Variants in DACH2 observed in about 807,000 individuals in gnomAD.
DACH2 encodes dachshund homolog 2.
In DACH2, 17 loss-of-function variants were observed where a neutral mutation model predicts 35.8. The observed-to-expected ratio is 0.48, with a 90% CI of 0.33 to 0.71. The LOEUF (loss-of-function observed/expected upper bound fraction) is 0.71. Among genes scored for constraint, DACH2 ranks in the 30% least tolerant of loss-of-function variants. The pLI is 0.02. For missense variants in DACH2, 469 were observed against 472.7 expected (o/e 0.99, Z 0.07); for synonymous variants, 195 against 177.3 (o/e 1.10, Z -0.79).
At chrX:86,205,873 G>A (rs2032298111) in intron 1 of DACH2, among the ~76,000 whole-genome samples, 2 of 110,525 alleles carry the variant, frequency 1.8e-5, no homozygotes, top group Non-Finnish European at 3.8e-5. Flanking sequence ...AGCCTAAGAT[G>A]TGGTTTTCTA....
At chrX:86,413,543 C>A (rs919178708) in intron 2 of DACH2, among the ~76,000 whole-genome samples, 1 of 111,996 alleles carries the variant, frequency 8.9e-6, no homozygotes, top group Non-Finnish European at 1.9e-5. Context: ...CTGCACAGGC[C>A]AAATGGGAAA....
At chrX:86,632,059 A>T (rs148681676) in intron 3 of DACH2, among the ~76,000 whole-genome samples, 1 of 112,118 alleles carries the variant, frequency 8.9e-6, no homozygotes, top group African/African-American at 3.2e-5. Flanking sequence ...CATTTTGCAC[A>T]TGAATAAACT....
chrX:86,245,457 A>C (rs1297160678), intron 1 of DACH2, among the ~76,000 whole-genome samples: 1 of 111,777 alleles, frequency 8.9e-6, no homozygotes, highest in Non-Finnish European at 1.9e-5. Context: ...TACCAGGAAC[A>C]CCTTGCCCCT....
At chrX:86,223,610 A>C (rs958132719) in intron 1 of DACH2, among the ~76,000 whole-genome samples, 1 of 111,858 alleles carries the variant, frequency 8.9e-6, no homozygotes, top group Admixed American at 9.5e-5. Flanking sequence ...TTGGTGCTAG[A>C]TTAAACAAAA....
chrX:86,482,328 A>T (rs1014538179), intron 2 of DACH2, among the ~76,000 whole-genome samples: 3 of 112,307 alleles, frequency 2.7e-5, no homozygotes, highest in Non-Finnish European at 5.6e-5. Context: ...AAAAATACAA[A>T]TACATAAAAA....
chrX:86,698,521 G>GTTTTGTTTTTTTT (rs2041096771), intron 5 of DACH2, among the ~76,000 whole-genome samples: 1 of 32,957 alleles, frequency 3.0e-5, no homozygotes, highest in African/African-American at 1.5e-4. Flanking sequence ...TTAGTTTTGT[G>GTTTTGTTTTTTTT]TTTTTTTTTT....
intron 7 of DACH2, among the ~76,000 whole-genome samples, chrX:86,778,978 A>G (rs930120439): frequency 8.9e-6 from 1 of 111,788 alleles, no homozygotes; most frequent in Non-Finnish European, 1.9e-5. Flanking sequence ...GGGGTATTCT[A>G]GATGCTAAAT....
chrX:86,538,333 A>G (rs1048891053), intron 3 of DACH2, among the ~76,000 whole-genome samples: 23 of 111,286 alleles, frequency 2.1e-4, no homozygotes, highest in African/African-American at 7.2e-4. Flanking sequence ...TTAGCACTCT[A>G]TTTATGGCAA....
intron 1 of DACH2, among the ~76,000 whole-genome samples, chrX:86,365,980 T>C (rs1270339314): frequency 9.0e-6 from 1 of 111,681 alleles, no homozygotes; most frequent in Non-Finnish European, 1.9e-5. Flanking sequence ...TTTGACCCGA[T>C]TTTATTATTA....
intron 2 of DACH2, among the ~76,000 whole-genome samples, chrX:86,414,479 G>C (rs1032761878): frequency 9.0e-6 from 1 of 111,241 alleles, no homozygotes; most frequent in African/African-American, 3.3e-5. Context: ...TTTTGTATTT[G>C]AGTGACTGAG....
At position 86,582,899 on chromosome X, in the gene DACH2, G is replaced by A. The variant is rs754781466; in HGVS notation, c.641-68137G>A. ...ATCACGCTGATGCCAAAACCTGGCA[G>A]AAACAACAACAAAAAGGAAAATTTT... On this transcript the variant is annotated intron_variant, in intron 3 of 11. Transcript: ENST00000373125. 8.1e-5 allele frequency among the ~76,000 whole-genome samples: 9 copies of A among 110,824 alleles called. No homozygotes were observed. In the South Asian group the frequency reaches 3.0e-3, roughly 38 times the overall value.
At chrX:86,752,665 T>A (rs2041786913) in intron 7 of DACH2, among the ~76,000 whole-genome samples, 1 of 111,436 alleles carries the variant, frequency 9.0e-6, no homozygotes, top group Admixed American at 9.6e-5. Context: ...GAACATAGCA[T>A]TTTTCTAAAT....
intron 3 of DACH2, among the ~76,000 whole-genome samples, chrX:86,644,188 A>T (rs1241044176): frequency 1.8e-5 from 2 of 111,366 alleles, no homozygotes; most frequent in East Asian, 5.6e-4. Flanking sequence ...CTGTTTGTGG[A>T]CGATATGATT....
At chrX:86,239,104 A>G (rs1304952599) in intron 1 of DACH2, among the ~76,000 whole-genome samples, 1 of 112,062 alleles carries the variant, frequency 8.9e-6, no homozygotes, top group Non-Finnish European at 1.9e-5. Flanking sequence ...TTTATTCATT[A>G]TAGCTTATAT....
intron 3 of DACH2, among the ~76,000 whole-genome samples, chrX:86,523,263 G>A (rs2038584089): frequency 9.0e-6 from 1 of 111,212 alleles, no homozygotes; most frequent in Non-Finnish European, 1.9e-5. Context: ...TGTTGACAGT[G>A]TGAATTCAAT....
intron 3 of DACH2, among the ~76,000 whole-genome samples, chrX:86,576,395 A>G (rs1486168520): frequency 9.0e-6 from 1 of 111,697 alleles, no homozygotes; most frequent in Non-Finnish European, 1.9e-5. Flanking sequence ...ATACATTTTT[A>G]TTGGTGTTTG....
At position 86,431,883 on chromosome X, in the gene DACH2, A is replaced by G. The variant is rs1453506748; in HGVS notation, c.527+55021A>G. Among the ~76,000 whole-genome samples, 8 of 111,697 alleles carry G rather than the reference A, an allele frequency of 7.2e-5. No individual in the cohort carries two copies. The East Asian group carries it at 2.3e-3, about 31-fold the overall frequency. On this transcript the variant is annotated intron_variant, in intron 2 of 11. Coordinates refer to ENST00000373125, the MANE Select transcript of DACH2 (RefSeq NM_053281.3). ...TGAATTTGTAAAGGTAGCACTAATT[A>G]TTATATTTATGGTATATATTCTAGG...
At chrX:86,314,484 C>T (rs2034859683) in intron 1 of DACH2, among the ~76,000 whole-genome samples, 1 of 110,915 alleles carries the variant, frequency 9.0e-6, no homozygotes, top group Non-Finnish European at 1.9e-5. Flanking sequence ...TGCCACTGCA[C>T]TCCAACCTGG....
chrX:86,695,116 C>A lies in DACH2; in HGVS notation c.868C>A (p.Gln290Lys). Residue 290 changes from glutamine (Q) to lysine (K), a missense_variant, in exon 5 of 12, where the codon CAG becomes AAG. Gln to Lys is a moderately conservative substitution (Grantham distance 53). This residue lies in a region of DACH2 where 363 missense variants were observed against 334.4 expected (regional missense o/e 1.09). Coordinates refer to ENST00000373125, the MANE Select transcript of DACH2 (RefSeq NM_053281.3). ...AATTGCTCATGCAGCCCTAGCTGGC[C>A]AGCCAGGCATTGGGGGTGCTCCAAC... ...HGIAHAALAG[Q>K]PGIGGAPTLN... The A allele has an allele frequency of 8.7e-7, 1 of 1,148,309 alleles. No homozygotes were observed. The highest frequency in any genetic ancestry group is 1.2e-6 in the Non-Finnish European group (1 of 863,010). The allele number at this position is 1,148,309 out of a possible 1,213,427, so 94.6% of individuals were successfully genotyped here. A position where few individuals can be genotyped will look rare whatever the true frequency, so the allele number is the denominator to read the frequency against.
Sources: allele counts gnomAD v4.1 joint callset (sites outside exome capture counted in the v4.1 genomes callset), GRCh38; gene constraint gnomAD v4.1.1; regional missense constraint gnomAD v4.1.1; transcripts MANE v1.5; gene names NCBI Gene and HGNC (gene_info 2026-07-23, HGNC 2026-07-21).